VTCN1: variants seen among roughly 807,000 people sequenced by gnomAD.
The protein encoded by VTCN1 is V-set domain-containing T-cell activation inhibitor 1.
In VTCN1, 26 loss-of-function variants were observed where a neutral mutation model predicts 26.5. The observed-to-expected ratio is 0.98, with a 90% CI of 0.72 to 1.36. The LOEUF (loss-of-function observed/expected upper bound fraction) is 1.36. VTCN1 is among the 40% of genes most tolerant of loss of function. The pLI, the probability that VTCN1 is intolerant of heterozygous loss-of-function variation, is 0.00. For synonymous variants in VTCN1, 116 were observed against 130.7 expected (o/e 0.89, Z 0.77); for missense variants, 298 against 337.7 (o/e 0.88, Z 0.92).
At chr1:117,190,096 T>C (rs1416474467) in intron 1 of VTCN1, among the ~76,000 whole-genome samples, 2 of 152,344 alleles carry the variant, frequency 1.3e-5, no homozygotes, top group South Asian at 2.1e-4. Flanking sequence ...GGCCCATTGA[T>C]CTTGTTCCCA....
intron 1 of VTCN1, among the ~76,000 whole-genome samples, chr1:117,191,540 T>C (rs1027423924): frequency 1.3e-5 from 2 of 152,140 alleles, no homozygotes; most frequent in African/African-American, 4.8e-5. Context: ...CCCAGCACTT[T>C]GGGAGGCCAA....
rs558273599 is a variant in VTCN1 at position 117,157,138 on chromosome 1, C to T, written c.98-217G>A. 1.1e-3 allele frequency: 541 copies of T among 473,390 alleles called. 2 individuals are homozygous for T. The highest frequency in any genetic ancestry group is 1.5e-3 in the Non-Finnish European group (493 of 320,316). The allele number at this position is 473,390 out of a possible 1,614,324, so 29.3% of individuals were successfully genotyped here. A position where few individuals can be genotyped will look rare whatever the true frequency, so the allele number is the denominator to read the frequency against. On this transcript the variant is annotated intron_variant, in intron 2 of 5. Coordinates refer to ENST00000369458, the MANE Select transcript of VTCN1 (RefSeq NM_024626.4). Reference sequence around the variant, plus strand: ...ATAGCAGATCTGTCATATATAATGGCTTATGTAAGACCAAGTAACCCAAAC... The same window carrying T: ...ATAGCAGATCTGTCATATATAATGGTTTATGTAAGACCAAGTAACCCAAAC...
At chr1:117,205,162 A>G (rs1417745196) in intron 1 of VTCN1, among the ~76,000 whole-genome samples, 1 of 140,824 alleles carries the variant, frequency 7.1e-6, no homozygotes, top group African/African-American at 2.7e-5. Flanking sequence ...ATATATAGAG[A>G]GAGAGAGAGA....
Position 117,147,618 on chromosome 1 carries a change from G to T in VTCN1, c.*40C>A, listed in dbSNP as rs926059159. 6.2e-7 allele frequency: 1 copy of T among 1,608,774 alleles called. No individual in the cohort carries two copies. Among genetic ancestry groups the T allele is most frequent in the Non-Finnish European group, 8.5e-7 (1 of 1,178,176 alleles). On this transcript the variant is annotated 3_prime_UTR_variant, in exon 5 of 6. Coordinates refer to ENST00000369458, the MANE Select transcript of VTCN1 (RefSeq NM_024626.4). This position sits in a 1 kb window ranked among gnomAD's most constrained non-coding sequence, Gnocchi z 4.6. ...CTATTTGTGATTAATCTCACCTGTT[G>T]TAACAATGACTTTGCATGCTTTTTT...
chr1:117,189,595 A>G (rs950966500), intron 1 of VTCN1, among the ~76,000 whole-genome samples: 6 of 152,240 alleles, frequency 3.9e-5, no homozygotes, highest in African/African-American at 1.4e-4. Context: ...CTTGATAATA[A>G]AATGAAACTT....
chr1:117,159,719 ATGCTGAATTCTAAAG>A lies in VTCN1; in HGVS notation c.98-2813_98-2799del, dbSNP rs1256367496. 6.6e-6 allele frequency among the ~76,000 whole-genome samples: 1 copy of A among 152,248 alleles called. No individual in the cohort carries two copies. The highest frequency in any genetic ancestry group is 1.5e-5 in the Non-Finnish European group (1 of 68,048). ...AAATGTGGCCTAGTCATTCTGAAAA[ATGCTGAATTCTAAAG>A]TGCTGTAACTTTTATTTCTGTTTGA... On this transcript the variant is annotated intron_variant, in intron 2 of 5. Coordinates refer to ENST00000369458, the MANE Select transcript of VTCN1 (RefSeq NM_024626.4). The surrounding 1 kb of genome is among the most constrained non-coding windows in gnomAD (Gnocchi z 4.7).
intron 2 of VTCN1, among the ~76,000 whole-genome samples, chr1:117,168,659 T>C (rs1358424072): frequency 2.6e-5 from 4 of 152,162 alleles, no homozygotes; most frequent in Admixed American, 1.3e-4. Context: ...GTAACTAGTT[T>C]GCATCCATGA....
intron 1 of VTCN1, among the ~76,000 whole-genome samples, chr1:117,207,224 A>G (rs6687393): frequency 0.87 from 131,881 of 152,186 alleles, 58,896 homozygotes; most frequent in Non-Finnish European, 0.97. Flanking sequence ...CCACCTTCCT[A>G]TGGTAGAAAG....
At chr1:117,210,060 C>A (rs1649279116) in intron 1 of VTCN1, among the ~76,000 whole-genome samples, 1 of 152,242 alleles carries the variant, frequency 6.6e-6, no homozygotes, top group African/African-American at 2.4e-5. Context: ...GACACTGAAT[C>A]AATCATTTCA....
At position 117,193,773 on chromosome 1, in the gene VTCN1, T is replaced by C. The variant is rs568472515; in HGVS notation, c.32+17051A>G. The stretch of plus-strand genomic sequence containing the variant: ...GACCTAATAGACATAGAACATTCCA[T>C]CCAACAGCAGCAGCAATAAATGGTA... On this transcript the variant is annotated intron_variant, in intron 1 of 5. Transcript: ENST00000369458. 2.6e-5 allele frequency among the ~76,000 whole-genome samples: 4 copies of C among 152,038 alleles called. No individual in the cohort carries two copies. The East Asian group carries it at 7.7e-4, about 29-fold the overall frequency.
chr1:117,153,056 C>T, intron 4 of VTCN1, 35 bp downstream of exon 4: 1 of 1,573,892 alleles, frequency 6.4e-7, no homozygotes, highest in Non-Finnish European at 8.6e-7. Context: ...TACTCTTTCC[C>T]CAGTAAATCC....
At chr1:117,178,548 G>A (rs1342701531) in intron 1 of VTCN1, among the ~76,000 whole-genome samples, 3 of 145,352 alleles carry the variant, frequency 2.1e-5, no homozygotes, top group East Asian at 2.1e-4. Context: ...GTGAGCCACT[G>A]CACCGCACCT....
intron 1 of VTCN1, among the ~76,000 whole-genome samples, chr1:117,201,795 A>G (rs1451656697): frequency 6.6e-6 from 1 of 152,242 alleles, no homozygotes; most frequent in Non-Finnish European, 1.5e-5. Context: ...TGACACCATG[A>G]CTTTCCCATC....
chr1:117,210,109 G>A (rs1649280985), intron 1 of VTCN1, among the ~76,000 whole-genome samples: 2 of 152,138 alleles, frequency 1.3e-5, no homozygotes, highest in African/African-American at 4.8e-5. Flanking sequence ...CTTCCAGGAG[G>A]GTAAATGCTG....
intron 1 of VTCN1, chr1:117,203,782 G>A: frequency 1.0e-6 from 1 of 985,312 alleles, no homozygotes. Context: ...GGAGCACAGA[G>A]CGGCTGCTAA....
chr1:117,190,164 GGAACA>G (rs1648175510), intron 1 of VTCN1, among the ~76,000 whole-genome samples: 3 of 152,196 alleles, frequency 2.0e-5, no homozygotes, highest in Admixed American at 6.5e-5. Flanking sequence ...CTGTGCTTAT[GGAACA>G]GTCCTGTTCA....
At position 117,169,868 on chromosome 1, in the gene VTCN1, C is replaced by T. The variant is rs1652808216; in HGVS notation, c.97+239G>A. Among the ~76,000 whole-genome samples the T allele has an allele frequency of 6.6e-6, 1 of 152,064 alleles. No homozygotes were observed. The highest frequency in any genetic ancestry group is 2.1e-4 in the South Asian group (1 of 4,822). ...TGAGATCATGCCACTGCACTCCAAC[C>T]TGGGCAACAGAGCCAGACCCTGTCT... is the stretch of plus-strand genomic sequence containing the variant. On this transcript the variant is annotated intron_variant, in intron 2 of 5. Coordinates refer to ENST00000369458, the MANE Select transcript of VTCN1 (RefSeq NM_024626.4). This position sits in a 1 kb window ranked among gnomAD's most constrained non-coding sequence, Gnocchi z 4.0.
At chr1:117,188,248 A>T (rs1648062943) in intron 1 of VTCN1, among the ~76,000 whole-genome samples, 1 of 152,228 alleles carries the variant, frequency 6.6e-6, no homozygotes, top group Non-Finnish European at 1.5e-5. Context: ...AGACGGACAG[A>T]CAGAGACAGA....
Position 117,147,894 on chromosome 1 carries a change from T to A in VTCN1, c.725-112A>T. 6.9e-7 allele frequency: 1 copy of A among 1,445,826 alleles called. No homozygotes were observed. The highest frequency in any genetic ancestry group is 9.2e-7 in the Non-Finnish European group (1 of 1,084,226). 89.6% of individuals were successfully genotyped at this position (1,445,826 alleles called of 1,614,324 possible). A position where few individuals can be genotyped will look rare whatever the true frequency, so the allele number is the denominator to read the frequency against. ...AAAAACAGAACAAGTTGTTCCTAAT[T>A]CAGGCAATTTTTTACCCCTTTGCCC... On this transcript the variant is annotated intron_variant, in intron 4 of 5. Coordinates refer to ENST00000369458, the MANE Select transcript of VTCN1 (RefSeq NM_024626.4). This position sits in a 1 kb window ranked among gnomAD's most constrained non-coding sequence, Gnocchi z 4.6.
Sources: gnomAD v4.1 joint callset for allele counts (sites outside exome capture counted in the v4.1 genomes callset) on GRCh38, gnomAD v4.1.1 for gene constraint, Gnocchi (gnomAD v3.1) non-coding constraint, MANE v1.5 for transcripts, NCBI Gene and HGNC (gene_info 2026-07-23, HGNC 2026-07-21) for gene names.